KIAA1328: variants seen among roughly 807,000 people sequenced by gnomAD.
KIAA1328 encodes KIAA1328.
Under a neutral mutation model 68.1 loss-of-function variants are expected in KIAA1328, and 52 were observed. The ratio of observed to expected loss-of-function variants is 0.76; its 90% CI spans 0.61 to 0.96. KIAA1328 has a LOEUF of 0.96. Among genes scored for constraint, KIAA1328 ranks in the 40% least tolerant of loss-of-function variants. The pLI is 0.00. For missense variants in KIAA1328, 641 were observed against 677.6 expected (o/e 0.95, Z 0.60); for synonymous variants, 232 against 239.4 (o/e 0.97, Z 0.28).
intron 5 of KIAA1328, among the ~76,000 whole-genome samples, chr18:36,904,699 T>G (rs1568145091): frequency 6.6e-6 from 1 of 152,128 alleles, no homozygotes; most frequent in Non-Finnish European, 1.5e-5. Context: ...AATTTGGATA[T>G]TTAGAACACT....
At chr18:36,862,688 A>G (rs1160644066) in intron 4 of KIAA1328, among the ~76,000 whole-genome samples, 1 of 152,144 alleles carries the variant, frequency 6.6e-6, no homozygotes, top group Non-Finnish European at 1.5e-5. Flanking sequence ...TGTGAACATC[A>G]CATTTTAATT....
intron 5 of KIAA1328, among the ~76,000 whole-genome samples, chr18:36,925,454 C>A (rs756301668): frequency 6.6e-6 from 1 of 152,046 alleles, no homozygotes; most frequent in Non-Finnish European, 1.5e-5. Flanking sequence ...GGAACCTTTT[C>A]TTTTTCTCTT....
chr18:37,101,087 C>G (rs374708038), intron 7 of KIAA1328, among the ~76,000 whole-genome samples: 1 of 151,784 alleles, frequency 6.6e-6, no homozygotes, highest in African/African-American at 2.4e-5. Context: ...GAGCAGAAAA[C>G]GAAACTCTAA....
intron 6 of KIAA1328, among the ~76,000 whole-genome samples, chr18:37,029,529 A>G (rs2054736623): frequency 6.6e-6 from 1 of 152,112 alleles, no homozygotes; most frequent in South Asian, 2.1e-4. Flanking sequence ...AAGCACCACC[A>G]TGAGTGGCTA....
intron 7 of KIAA1328, among the ~76,000 whole-genome samples, chr18:37,089,982 C>T (rs1273649754): frequency 6.6e-6 from 1 of 152,168 alleles, no homozygotes; most frequent in African/African-American, 2.4e-5. Flanking sequence ...TGTGCCCTAC[C>T]ATTTGCTCTT....
At chr18:37,083,612 T>C (rs926017993) in intron 7 of KIAA1328, among the ~76,000 whole-genome samples, 1 of 152,194 alleles carries the variant, frequency 6.6e-6, no homozygotes, top group Non-Finnish European at 1.5e-5. Context: ...ATGGATACAG[T>C]GTCTTCCAGT....
chr18:36,843,192 C>G (rs1445101224), intron 3 of KIAA1328, among the ~76,000 whole-genome samples: 1 of 152,102 alleles, frequency 6.6e-6, no homozygotes, highest in South Asian at 2.1e-4. Context: ...CCTGCCTAGA[C>G]GTTTGCACAT....
At chr18:37,184,209 C>A (rs377316655) in intron 9 of KIAA1328, among the ~76,000 whole-genome samples, 2 of 152,188 alleles carry the variant, frequency 1.3e-5, no homozygotes, top group African/African-American at 4.8e-5. Context: ...TTCTGCCCAG[C>A]TTATACATCT....
chr18:36,885,136 A>G (rs1348378171), intron 4 of KIAA1328, among the ~76,000 whole-genome samples: 1 of 152,160 alleles, frequency 6.6e-6, no homozygotes, highest in African/African-American at 2.4e-5. Context: ...TAAAGTACAT[A>G]TTTTGTTTAT....
chr18:37,228,866 G>A (rs2060652398), downstream of KIAA1328, among the ~76,000 whole-genome samples: 1 of 152,062 alleles, frequency 6.6e-6, no homozygotes, highest in African/African-American at 2.4e-5. Flanking sequence ...TGAAGGCTCA[G>A]ATGATCCTTA....
intron 6 of KIAA1328, among the ~76,000 whole-genome samples, chr18:37,028,717 G>C (rs1470034529): frequency 6.6e-6 from 1 of 152,026 alleles, no homozygotes; most frequent in Non-Finnish European, 1.5e-5. Flanking sequence ...TAGTTGTTGA[G>C]GGTTTTTAAG....
intron 7 of KIAA1328, among the ~76,000 whole-genome samples, chr18:37,116,656 C>T: frequency 6.6e-6 from 1 of 152,120 alleles, no homozygotes; most frequent in Non-Finnish European, 1.5e-5. Flanking sequence ...CCAAAATTGA[C>T]AAATGGGATC....
intron 6 of KIAA1328, among the ~76,000 whole-genome samples, chr18:37,024,073 G>A (rs1311787750): frequency 6.6e-6 from 1 of 152,064 alleles, no homozygotes; most frequent in Non-Finnish European, 1.5e-5. Flanking sequence ...ACGGCTTACT[G>A]TAGCCTCAAC....
intron 5 of KIAA1328, among the ~76,000 whole-genome samples, chr18:36,946,964 C>G (rs1426512627): frequency 6.6e-6 from 1 of 152,082 alleles, no homozygotes; most frequent in Non-Finnish European, 1.5e-5. Context: ...TGGATTGCTT[C>G]GTGTGGGAGA....
chr18:37,197,134 T>C (rs566501073), intron 9 of KIAA1328, among the ~76,000 whole-genome samples: 8 of 152,104 alleles, frequency 5.3e-5, no homozygotes, highest in African/African-American at 1.9e-4. Flanking sequence ...GTCTGTTTGG[T>C]TTTTTCCCCC....
intron 6 of KIAA1328, among the ~76,000 whole-genome samples, chr18:37,044,503 A>G (rs2055385126): frequency 6.6e-6 from 1 of 152,016 alleles, no homozygotes; most frequent in African/African-American, 2.4e-5. Context: ...GGGCCAAAAA[A>G]CTCAAAATTT....
At chr18:36,952,448 C>T (rs767688997) in intron 5 of KIAA1328, among the ~76,000 whole-genome samples, 3 of 151,996 alleles carry the variant, frequency 2.0e-5, no homozygotes, top group African/African-American at 7.3e-5. Flanking sequence ...ACTTTGTGCC[C>T]TGCACTATGC....
chr18:36,892,937 T>C (rs1210721715), intron 5 of KIAA1328, among the ~76,000 whole-genome samples: 2 of 152,200 alleles, frequency 1.3e-5, no homozygotes, highest in Admixed American at 6.5e-5. Flanking sequence ...AAAGAAATTA[T>C]ATGCTCACTA....
intron 6 of KIAA1328, among the ~76,000 whole-genome samples, chr18:36,979,736 G>C (rs1176627808): frequency 6.6e-6 from 1 of 152,148 alleles, no homozygotes; most frequent in Non-Finnish European, 1.5e-5. Context: ...TCTTCAGTGG[G>C]TTCAGAGTTG....
Sources: gnomAD v4.1 joint callset for allele counts (sites outside exome capture counted in the v4.1 genomes callset) on GRCh38, gnomAD v4.1.1 for gene constraint, MANE v1.5 for transcripts, NCBI Gene and HGNC (gene_info 2026-07-23, HGNC 2026-07-21) for gene names.